The following TXK variants were observed in gnomAD, a reference collection of about 807,000 sequenced individuals.
The protein encoded by TXK is tyrosine-protein kinase TXK.
Under a neutral mutation model 81.0 loss-of-function variants are expected in TXK, and 60 were observed. The observed-to-expected ratio is 0.74, with a 90% CI of 0.60 to 0.92. The LOEUF is 0.92. Among genes scored for constraint, TXK ranks in the 40% least tolerant of loss-of-function variants. The pLI, the probability that TXK is intolerant of heterozygous loss-of-function variation, is 0.00. For synonymous variants in TXK, 203 were observed against 210.7 expected, an observed-to-expected ratio of 0.96 and a Z score of 0.32; for missense variants, 581 against 638.3, an observed-to-expected ratio of 0.91 and a Z score of 0.97.
chr4:48,096,485 C>A (rs1424909399), intron 6 of TXK, among the ~76,000 whole-genome samples: 1 of 152,080 alleles, frequency 6.6e-6, no homozygotes, highest in African/African-American at 2.4e-5. Flanking sequence ...TAAAAAAGCT[C>A]CTATCACCTA....
intron 1 of TXK, among the ~76,000 whole-genome samples, chr4:48,129,398 G>C (rs1158713117): frequency 6.6e-6 from 1 of 152,080 alleles, no homozygotes; most frequent in East Asian, 1.9e-4. Flanking sequence ...AACTACTTTA[G>C]GGGAGTCACT....
chr4:48,120,327 C>A (rs141435740), intron 1 of TXK, among the ~76,000 whole-genome samples: 1 of 148,490 alleles, frequency 6.7e-6, no homozygotes, highest in South Asian at 2.1e-4. Context: ...TACATATATA[C>A]GTATATATAC....
At position 48,067,643 on chromosome 4, in the gene TXK, G is replaced by T; in HGVS notation, c.1578C>A (p.Thr526=). 6.2e-7 allele frequency: 1 copy of T among 1,614,104 alleles called. No homozygotes were observed. The highest frequency in any genetic ancestry group is 8.5e-7 in the Non-Finnish European group (1 of 1,179,988). The change falls in exon 15 of 15, where the codon ACC becomes ACA. Residue 526 remains threonine, a synonymous_variant. Coordinates refer to ENST00000264316, the MANE Select transcript of TXK (RefSeq NM_003328.3). ...GTTGGCATTCTGTTTCCGGTCACCA[G>T]GTTTCCGCAATCTCTGTGACAGCCC... ...LLRAVTEIAE[T]W
chr4:48,079,846 A>T, intron 11 of TXK, 66 bp downstream of exon 11: 1 of 1,077,630 alleles, frequency 9.3e-7, no homozygotes, highest in Non-Finnish European at 1.4e-6. Flanking sequence ...TATTGAAAGT[A>T]ATTGTCACAT....
chr4:48,091,297 GAA>G (rs1717761006), intron 8 of TXK, among the ~76,000 whole-genome samples: 1 of 152,184 alleles, frequency 6.6e-6, no homozygotes, highest in South Asian at 2.1e-4. Flanking sequence ...CGCATGAGAT[GAA>G]ACTTAGAAAT....
chr4:48,131,160 C>T (rs1719238732), intron 1 of TXK, among the ~76,000 whole-genome samples: 1 of 152,116 alleles, frequency 6.6e-6, no homozygotes, highest in Non-Finnish European at 1.5e-5. Flanking sequence ...TGGAGCAGTG[C>T]CCTGAGACCC....
At chr4:48,102,921 TATA>T (rs1309003921) in intron 6 of TXK, among the ~76,000 whole-genome samples, 6 of 152,166 alleles carry the variant, frequency 3.9e-5, no homozygotes, top group Admixed American at 6.5e-5. Flanking sequence ...TGTGCCTGCA[TATA>T]TGATCAAAAT....
In TXK at chr4:48,114,393, A is replaced by G; in HGVS notation, c.26T>C (p.Ile9Thr). Residue 9 changes from isoleucine to threonine, a missense_variant, in exon 2 of 15, where the codon ATC becomes ACC. Transcript: ENST00000264316. Reference protein sequence around the residue: MILSSYNTIQSVFCCCCCC... With the variant: MILSSYNTTQSVFCCCCCC... ...ACAGCAGCAACAGAAAACCGACTGGATGGTGTTATCTGAAAAGCAGATCAT... is the reference window on the plus strand; with the variant it reads ...ACAGCAGCAACAGAAAACCGACTGGGTGGTGTTATCTGAAAAGCAGATCAT... 6.2e-7 allele frequency: 1 copy of G among 1,614,156 alleles called. No homozygotes were observed. Among genetic ancestry groups the G allele is most frequent in the Non-Finnish European group, 8.5e-7 (1 of 1,180,008 alleles).
chr4:48,080,143 CAT>C lies in TXK; in HGVS notation c.957-17_957-16del. The C allele has an allele frequency of 6.3e-7, 1 of 1,585,382 alleles. No homozygotes were observed. The highest frequency in any genetic ancestry group is 2.2e-5 in the East Asian group (1 of 44,682). ...GAGATAATTTCCTGGTGAAGAAAAA[CAT>C]ACACCAGTGAGCAGAATTGTGTTTG... On this transcript the variant is annotated splice_polypyrimidine_tract_variant and intron_variant, in intron 10 of 14. Coordinates refer to ENST00000264316, the MANE Select transcript of TXK (RefSeq NM_003328.3).
chr4:48,124,633 C>A (rs1212182935), intron 1 of TXK, among the ~76,000 whole-genome samples: 1 of 152,038 alleles, frequency 6.6e-6, no homozygotes. Flanking sequence ...GAAAGCTAAG[C>A]TGACCGTGAC....
At chr4:48,110,500 C>A in intron 5 of TXK, 38 bp downstream of exon 5, 1 of 1,507,942 alleles carries the variant, frequency 6.6e-7, no homozygotes. Context: ...GCCAAAATGT[C>A]CCTGATTTTC....
intron 1 of TXK, among the ~76,000 whole-genome samples, chr4:48,120,116 C>CATAT (rs1718908878): frequency 6.7e-6 from 1 of 150,264 alleles, no homozygotes; most frequent in African/African-American, 2.5e-5. Flanking sequence ...CGTATACATA[C>CATAT]ACATACATAT....
At chr4:48,122,361 T>C (rs1448620220) in intron 1 of TXK, among the ~76,000 whole-genome samples, 1 of 152,124 alleles carries the variant, frequency 6.6e-6, no homozygotes, top group Non-Finnish European at 1.5e-5. Flanking sequence ...TTGGCTTTTG[T>C]TTTTTCCAGA....
chr4:48,127,741 C>T (rs757459902), intron 1 of TXK, among the ~76,000 whole-genome samples: 1 of 150,506 alleles, frequency 6.6e-6, no homozygotes, highest in Non-Finnish European at 1.5e-5. Flanking sequence ...AGAAAAAGGG[C>T]ATCGCATCAG....
At chr4:48,090,573 T>C (rs1577660389) in intron 8 of TXK, among the ~76,000 whole-genome samples, 1 of 152,236 alleles carries the variant, frequency 6.6e-6, no homozygotes, top group South Asian at 2.1e-4. Flanking sequence ...TTAATAATCA[T>C]TTATTATTTA....
At chr4:48,076,308 T>C (rs1020416732) in intron 12 of TXK, 94 bp downstream of exon 12, 7 of 952,180 alleles carry the variant, frequency 7.4e-6, no homozygotes, top group Non-Finnish European at 9.3e-6. Flanking sequence ...AAACACAGCC[T>C]GCAGCATCTT....
intron 1 of TXK, among the ~76,000 whole-genome samples, chr4:48,120,126 T>TAC: frequency 1.3e-5 from 2 of 148,478 alleles, no homozygotes; most frequent in Non-Finnish European, 3.0e-5. Context: ...CACATACATA[T>TAC]GTATATACAT....
intron 6 of TXK, among the ~76,000 whole-genome samples, chr4:48,097,748 ATT>A (rs564793266): frequency 2.8e-4 from 32 of 114,338 alleles, no homozygotes; most frequent in African/African-American, 3.8e-4. Flanking sequence ...AAGCTACCAC[ATT>A]TTTTTTTTTT....
chr4:48,091,653 G>A (rs1192064249), intron 8 of TXK, among the ~76,000 whole-genome samples: 4 of 152,012 alleles, frequency 2.6e-5, no homozygotes, highest in Non-Finnish European at 5.9e-5. Context: ...TTACAGGCAT[G>A]CGCCACCATG....
Sources: gnomAD v4.1 joint callset for allele counts (sites outside exome capture counted in the v4.1 genomes callset) on GRCh38, gnomAD v4.1.1 for gene constraint, MANE v1.5 for transcripts, NCBI Gene and HGNC (gene_info 2026-07-23, HGNC 2026-07-21) for gene names.